Variants in PIKFYVE observed in about 807,000 individuals in gnomAD.
PIKFYVE encodes the protein phosphoinositide kinase, FYVE-type zinc finger containing, also known as 1-phosphatidylinositol 3-phosphate 5-kinase.
Under a neutral mutation model 257.9 loss-of-function variants are expected in PIKFYVE, and 122 were observed. The ratio of observed to expected loss-of-function variants is 0.47; its 90% confidence interval spans 0.41 to 0.55. PIKFYVE has a LOEUF of 0.55. PIKFYVE is among the 20% of genes least tolerant of loss of function. The pLI is 0.00. For synonymous variants in PIKFYVE, 892 were observed against 868.9 expected, an observed-to-expected ratio of 1.03 and a Z score of -0.47; for missense variants, 2,160 against 2,536.6, an observed-to-expected ratio of 0.85 and a Z score of 3.19.
At position 208,350,894 on chromosome 2, in the gene PIKFYVE, C is replaced by T. The variant is rs1699714831; in HGVS notation, c.5558C>T (p.Ser1853Leu). 1.9e-6 allele frequency: 3 copies of T among 1,614,070 alleles called. No homozygotes were observed. Among genetic ancestry groups the T allele is most frequent in the South Asian group, 1.1e-5 (1 of 91,088 alleles). Residue 1853 changes from serine (S) to leucine (L), a missense_variant, in exon 37 of 42, where the codon TCA becomes TTA. Physicochemically the swap from Ser to Leu is moderately radical, Grantham distance 145. Coordinates refer to ENST00000264380, the MANE Select transcript of PIKFYVE (RefSeq NM_015040.4). ...EDFIRSLSHS[S>L]PWQARGGKSG... ...TTCATTCGTTCCCTCTCCCACTCAT[C>T]ACCCTGGCAGGCCCGGGGAGGCAAA...
chr2:208,325,866 C>T lies in PIKFYVE; in HGVS notation c.3055C>T (p.Leu1019=), dbSNP rs1269068772. 1 of 1,614,068 alleles carries T rather than the reference C, an allele frequency of 6.2e-7. No homozygotes were observed. The highest frequency in any genetic ancestry group is 1.7e-5 in the Admixed American group (1 of 60,014). ...KSQIRAFRDP[L]QDDTGLYVTE... ...CCAGATAAGAGCCTTTAGAGACCCT[C>T]TACAGGATGACACTGGATTATATGT... The change falls in exon 20 of 42, where the codon CTA becomes TTA. Residue 1019 remains leucine, a synonymous_variant. Transcript: ENST00000264380.
At chr2:208,278,317 T>C in intron 5 of PIKFYVE, among the ~76,000 whole-genome samples, 1 of 152,046 alleles carries the variant, frequency 6.6e-6, no homozygotes, top group East Asian at 1.9e-4. Context: ...CCTAAACTAC[T>C]ACAGAGTTCA....
chr2:208,324,089 T>C (rs760425977), intron 17 of PIKFYVE, 53 bp from the exon 18 acceptor site: 115 of 1,585,598 alleles, frequency 7.3e-5, no homozygotes, highest in Non-Finnish European at 9.6e-5. Flanking sequence ...TATTTTAATA[T>C]GTCCAGATAC....
chr2:208,344,032 A>G (rs979849142), intron 32 of PIKFYVE, among the ~76,000 whole-genome samples: 1 of 151,576 alleles, frequency 6.6e-6, no homozygotes, highest in Non-Finnish European at 1.5e-5. Context: ...GTTGGCCGGG[A>G]TGGTCTCCAT....
chr2:208,335,924 AATTCAAAAGTTAATT>A, intron 26 of PIKFYVE, 23 bp downstream of exon 26: 1 of 1,593,770 alleles, frequency 6.3e-7, no homozygotes, highest in Non-Finnish European at 8.6e-7. Context: ...TTTGGTAGAA[AATTCAAAAGTTAATT>A]ATTGATTAAA....
chr2:208,282,295 T>G (rs959379929), intron 5 of PIKFYVE, among the ~76,000 whole-genome samples: 3 of 152,224 alleles, frequency 2.0e-5, no homozygotes, highest in African/African-American at 7.2e-5. Flanking sequence ...TCCAGAAATG[T>G]AAGAACCAAT....
intron 23 of PIKFYVE, among the ~76,000 whole-genome samples, chr2:208,331,130 C>T (rs968378264): frequency 5.3e-5 from 8 of 151,948 alleles, no homozygotes; most frequent in East Asian, 1.9e-4. Context: ...ATAATAAATT[C>T]GAGCCTATGT....
chr2:208,342,262 T>G (rs1263479273), intron 31 of PIKFYVE, among the ~76,000 whole-genome samples: 1 of 152,316 alleles, frequency 6.6e-6, no homozygotes, highest in South Asian at 2.1e-4. Flanking sequence ...TAGCTTGTAA[T>G]GGAACAAAAT....
chr2:208,266,104 C>G (rs1389066727), upstream of PIKFYVE: 2 of 152,340 alleles, frequency 1.3e-5, no homozygotes, highest in Non-Finnish European at 1.5e-5. Flanking sequence ...CTAATCTCGG[C>G]CAAAAGATCA....
In PIKFYVE at chr2:208,305,925, C is replaced by CT. The variant is rs556541753; in HGVS notation, c.1636+913dup. 7.2e-5 allele frequency among the ~76,000 whole-genome samples: 11 copies of CT among 152,142 alleles called. 1 individual carries two copies. Among genetic ancestry groups the CT allele is most frequent in the Non-Finnish European group, 1.3e-4 (9 of 68,016 alleles). ...GTTTGTATTTTAAACATATAACTGT[C>CT]TAAAGTGGAATTGTCTCCTTACTTA... On this transcript the variant is annotated intron_variant, in intron 12 of 41. Coordinates refer to ENST00000264380, the MANE Select transcript of PIKFYVE (RefSeq NM_015040.4).
At chr2:208,338,266 G>A (rs1331870921) in intron 28 of PIKFYVE, among the ~76,000 whole-genome samples, 1 of 151,538 alleles carries the variant, frequency 6.6e-6, no homozygotes, top group Non-Finnish European at 1.5e-5. Context: ...TTATATTAAT[G>A]GGTTTATTAT....
Position 208,298,753 on chromosome 2 carries a change from A to T in PIKFYVE, c.1024A>T (p.Thr342Ser). Residue 342 changes from threonine to serine, a missense_variant, in exon 8 of 42, where the codon ACT becomes TCT. By Grantham distance (58) the Thr-to-Ser change is moderately conservative. Around this residue, in one of 12 missense-constraint regions of PIKFYVE, gnomAD observed 187 missense variants for 185.6 expected, o/e 1.01. Transcript: ENST00000264380. ...ANRTYVRTET[T>S]EDERKILLDS... is the part of the protein sequence containing the mutation. ...CCGAACATATGTTAGGACAGAGACC[A>T]CTGAGGATGAACGCAAAATTCTTCT... is the stretch of plus-strand genomic sequence containing the variant. 1 of 1,614,154 alleles carries T rather than the reference A, an allele frequency of 6.2e-7. No individual in the cohort carries two copies. Among genetic ancestry groups the T allele is most frequent in the Non-Finnish European group, 8.5e-7 (1 of 1,180,002 alleles).
intron 13 of PIKFYVE, 59 bp downstream of exon 13, chr2:208,312,354 T>G: frequency 7.5e-7 from 1 of 1,341,204 alleles, no homozygotes; most frequent in Non-Finnish European, 1.1e-6. Flanking sequence ...AGGATATACT[T>G]AGGGCTTAGC....
At chr2:208,341,790 A>G (rs1436798252) in intron 31 of PIKFYVE, among the ~76,000 whole-genome samples, 1 of 152,112 alleles carries the variant, frequency 6.6e-6, no homozygotes, top group Non-Finnish European at 1.5e-5. Context: ...ATACCATAAC[A>G]TTGGGGGTTA....
chr2:208,354,004 G>A lies in PIKFYVE; in HGVS notation c.5951G>A (p.Arg1984Gln), dbSNP rs376682939. The A allele has an allele frequency of 6.8e-6, 11 of 1,613,860 alleles. No individual in the cohort carries two copies. Among genetic ancestry groups the A allele is most frequent in the Non-Finnish European group, 8.5e-6 (10 of 1,179,964 alleles). ...LLDENLLKMV[R>Q]DNPLYIRSHS... is the part of the protein sequence containing the mutation. ...GATGAAAATCTCCTAAAGATGGTTC[G>A]AGACAACCCTCTATATATTCGTTCT... The change falls in exon 40 of 42, where the codon CGA (arginine) becomes CAA (glutamine). Residue 1984 changes from arginine (R) to glutamine (Q), a missense_variant. By Grantham distance (43) the Arg-to-Gln change is conservative. Coordinates refer to ENST00000264380, the MANE Select transcript of PIKFYVE (RefSeq NM_015040.4).
intron 5 of PIKFYVE, among the ~76,000 whole-genome samples, chr2:208,283,997 A>T (rs1363834570): frequency 6.6e-6 from 1 of 152,218 alleles, no homozygotes; most frequent in Non-Finnish European, 1.5e-5. Flanking sequence ...TAACTTTTAG[A>T]AGTCTTTTAT....
intron 14 of PIKFYVE, 55 bp from the exon 15 acceptor site, chr2:208,315,138 T>C (rs1695348598): frequency 6.8e-7 from 1 of 1,460,340 alleles, no homozygotes; most frequent in Non-Finnish European, 9.5e-7. Context: ...TCATCAGAAT[T>C]ATTGTCTCTG....
chr2:208,302,385 G>A, intron 10 of PIKFYVE, 32 bp downstream of exon 10: 1 of 1,528,202 alleles, frequency 6.5e-7, no homozygotes. Flanking sequence ...CAATTAGAAT[G>A]TAGCAAGCTT....
At chr2:208,341,814 T>C (rs545510902) in intron 31 of PIKFYVE, among the ~76,000 whole-genome samples, 1 of 152,248 alleles carries the variant, frequency 6.6e-6, no homozygotes, top group East Asian at 1.9e-4. Context: ...TTTTAACATA[T>C]GAATTTTGTG....
Sources: gnomAD v4.1 joint callset for allele counts (sites outside exome capture counted in the v4.1 genomes callset) on GRCh38, gnomAD v4.1.1 for gene constraint, gnomAD v4.1.1 regional missense constraint, MANE v1.5 for transcripts, NCBI Gene and HGNC (gene_info 2026-07-23, HGNC 2026-07-21) for gene names.